ASB15: variants seen among roughly 807,000 people sequenced by gnomAD.
The protein encoded by ASB15 is ankyrin repeat and SOCS box containing 15, also known as ankyrin repeat and SOCS box protein 15.
A neutral mutation model predicts 58.0 loss-of-function variants in ASB15; 54 were observed. That is an observed-to-expected ratio of 0.93 (90% confidence interval 0.75 to 1.17). The LOEUF (loss-of-function observed/expected upper bound fraction) is 1.17, where lower values mean the gene tolerates loss of function less well. Among genes scored for constraint, ASB15 ranks in the 50% most tolerant of loss-of-function variants. The probability of loss-of-function intolerance (pLI) is 0.00; values close to 1 mark genes in which losing one functional copy is unlikely to be tolerated. For synonymous variants in ASB15, 249 were observed against 262.4 expected (o/e 0.95, Z 0.50); for missense variants, 680 against 707.4 (o/e 0.96, Z 0.44).
intron 7 of ASB15, 166 bp from the exon 8 acceptor site, chr7:123,624,403 C>A: frequency 1.6e-6 from 1 of 642,148 alleles, no homozygotes; most frequent in Non-Finnish European, 2.6e-6. Context: ...CAAATATAAA[C>A]TTGGGTATGA....
chr7:123,635,430 A>T (rs62474511), intron 11 of ASB15, among the ~76,000 whole-genome samples: 22,044 of 152,096 alleles, frequency 0.14, 1,907 homozygotes, highest in African/African-American at 0.22. Flanking sequence ...GGTGAGGCTT[A>T]GATAAGTTAA....
intron 11 of ASB15, among the ~76,000 whole-genome samples, chr7:123,631,998 A>C (rs990588433): frequency 6.6e-6 from 1 of 152,076 alleles, no homozygotes; most frequent in African/African-American, 2.4e-5. Context: ...GAATGGCGTG[A>C]ACCCGGGAGG....
At chr7:123,580,609 C>T (rs919765028) in intron 1 of ASB15, among the ~76,000 whole-genome samples, 23 of 152,030 alleles carry the variant, frequency 1.5e-4, no homozygotes, top group African/African-American at 5.3e-4. Context: ...CATATGGCAC[C>T]TTTGTGCAGT....
rs560342957 is a variant in ASB15 at position 123,616,637 on chromosome 7, A to G, written c.292+142A>G. On this transcript the variant is annotated intron_variant, in intron 6 of 11. Transcript: ENST00000451215. ...TTGGAATTTGAAAAAGGCAGCACCC[A>G]TGTTTTAAACTCAGAGTATAAAAAT... is the stretch of plus-strand genomic sequence containing the variant. The G allele has an allele frequency of 1.9e-4, 200 of 1,078,288 alleles. 1 individual carries two copies. The highest frequency in any genetic ancestry group is 1.4e-3 in the African/African-American group (86 of 60,814). 66.8% of individuals were successfully genotyped at this position (1,078,288 alleles called of 1,614,324 possible).
upstream of ASB15, among the ~76,000 whole-genome samples, chr7:123,601,475 G>C (rs146791828): frequency 5.3e-5 from 8 of 152,260 alleles, no homozygotes; most frequent in East Asian, 1.2e-3. Context: ...AAAATAGTGT[G>C]TATTAAAATA....
intron 2 of ASB15, among the ~76,000 whole-genome samples, chr7:123,605,822 C>T (rs1300010513): frequency 2.0e-5 from 3 of 152,080 alleles, no homozygotes; most frequent in Non-Finnish European, 4.4e-5. Context: ...AAGAAGGGAA[C>T]AACAGACGCC....
At chr7:123,574,301 C>T (rs1374243529) in intron 1 of ASB15, among the ~76,000 whole-genome samples, 1 of 151,634 alleles carries the variant, frequency 6.6e-6, no homozygotes, top group African/African-American at 2.4e-5. Context: ...TTCTAAGCAT[C>T]TGTTTAGCCC....
Position 123,616,417 on chromosome 7 carries a change from G to T in ASB15, c.214G>T (p.Ala72Ser), listed in dbSNP as rs1249367213. Residue 72 changes from alanine to serine, a missense_variant, in exon 6 of 12, where the codon GCT becomes TCT. Physicochemically the swap from Ala to Ser is moderately conservative, Grantham distance 99 (BLOSUM62 1). Coordinates refer to ENST00000451215, the MANE Select transcript of ASB15 (RefSeq NM_001290258.2). ...AAAATATAAATATGCAATGGATGAAGCTGATGAAAAAGGATGGTTTCCATT... is the reference window on the plus strand; with the variant it reads ...AAAATATAAATATGCAATGGATGAATCTGATGAAAAAGGATGGTTTCCATT... ...YVKYKYAMDEADEKGWFPLHE... is the reference protein window; with the variant it reads ...YVKYKYAMDESDEKGWFPLHE... The T allele has an allele frequency of 4.4e-6, 7 of 1,607,002 alleles. No individual in the cohort carries two copies. Among genetic ancestry groups the T allele is most frequent in the Non-Finnish European group, 6.0e-6 (7 of 1,173,964 alleles).
At chr7:123,593,570 C>CT (rs992639327) in intron 1 of ASB15, among the ~76,000 whole-genome samples, 4 of 151,394 alleles carry the variant, frequency 2.6e-5, no homozygotes, top group Non-Finnish European at 4.4e-5. Context: ...GTTGAAAATT[C>CT]TTTTTTTTTC....
chr7:123,606,963 A>G (rs1329128993), intron 2 of ASB15, among the ~76,000 whole-genome samples: 1 of 152,226 alleles, frequency 6.6e-6, no homozygotes, highest in Non-Finnish European at 1.5e-5. Context: ...TTGGATATAT[A>G]CACACAGAAG....
At chr7:123,618,680 A>T (rs902736058) in intron 7 of ASB15, among the ~76,000 whole-genome samples, 1 of 152,162 alleles carries the variant, frequency 6.6e-6, no homozygotes, top group Non-Finnish European at 1.5e-5. Context: ...GCAATCACAG[A>T]GAAAGACGTT....
At chr7:123,571,541 T>C (rs532696332) in intron 1 of ASB15, among the ~76,000 whole-genome samples, 1 of 152,326 alleles carries the variant, frequency 6.6e-6, no homozygotes, top group Non-Finnish European at 1.5e-5. Context: ...TATCTTTTTA[T>C]TTGTAGATAA....
chr7:123,606,110 A>G (rs1213120426), intron 2 of ASB15, among the ~76,000 whole-genome samples: 1 of 152,190 alleles, frequency 6.6e-6, no homozygotes. Context: ...GCACAAACCA[A>G]AAGTAGCTTT....
chr7:123,638,204 C>A lies in ASB15; in HGVS notation c.*1223C>A, dbSNP rs562797167. 2 of 152,228 alleles carry A rather than the reference C, an allele frequency of 1.3e-5. No individual in the cohort carries two copies. The highest frequency in any genetic ancestry group is 1.9e-4 in the East Asian group (1 of 5,170). 9.4% of individuals were successfully genotyped at this position (152,228 alleles called of 1,614,324 possible). Reference sequence around the variant, plus strand: ...TACAGCATCTCAGAAGAGTCTTTTACAAATATAATAGAGTTTCACTTCTCT... The same window carrying A: ...TACAGCATCTCAGAAGAGTCTTTTAAAAATATAATAGAGTTTCACTTCTCT... On this transcript the variant is annotated 3_prime_UTR_variant, in exon 12 of 12. Transcript: ENST00000451215.
At chr7:123,578,736 T>A (rs908819810) in intron 1 of ASB15, among the ~76,000 whole-genome samples, 1 of 152,244 alleles carries the variant, frequency 6.6e-6, no homozygotes, top group East Asian at 1.9e-4. Context: ...TAGAATTTTA[T>A]GTGCTAAAGT....
chr7:123,636,649 G>C (rs1802443097), intron 11 of ASB15, among the ~76,000 whole-genome samples, 160 bp from the exon 12 acceptor site: 1 of 152,110 alleles, frequency 6.6e-6, no homozygotes, highest in Non-Finnish European at 1.5e-5. Context: ...AGACTAGAAT[G>C]CTCAATTACA....
At chr7:123,633,331 TA>T (rs1584823486) in intron 11 of ASB15, among the ~76,000 whole-genome samples, 1 of 151,892 alleles carries the variant, frequency 6.6e-6, no homozygotes, top group African/African-American at 2.4e-5. Flanking sequence ...TTAGAATACA[TA>T]TTTTTAAATA....
rs201367863 is a variant in ASB15 at position 123,578,253 on chromosome 7, G to GA, written c.-443+11173dup. On this transcript the variant is annotated intron_variant, in intron 1 of 13. Coordinates refer to the ASB15 transcript ENST00000451558. The stretch of plus-strand genomic sequence containing the variant: ...ACCTGCTGATATTTTGTATCAGTTG[G>GA]AAAAAAAATGACAAAATTCATCTAA... 4.0e-3 allele frequency among the ~76,000 whole-genome samples: 602 copies of GA among 149,146 alleles called. 3 individuals are homozygous for GA. Among genetic ancestry groups the GA allele is most frequent in the African/African-American group, 0.014 (567 of 40,498 alleles).
upstream of ASB15, chr7:123,598,962 A>G (rs1370644789): frequency 2.0e-5 from 3 of 152,222 alleles, no homozygotes; most frequent in African/African-American, 7.2e-5. Flanking sequence ...AGCGTACAGC[A>G]TAGCAAAAAT....
Sources: allele counts gnomAD v4.1 joint callset (sites outside exome capture counted in the v4.1 genomes callset), GRCh38; gene constraint gnomAD v4.1.1; transcripts MANE v1.5; gene names NCBI Gene and HGNC (gene_info 2026-07-23, HGNC 2026-07-21).